The following GRK3 variants were observed in gnomAD, a reference collection of about 807,000 sequenced individuals.
GRK3 encodes adrenergic, beta, receptor kinase 2.
In GRK3, 54 loss-of-function variants were observed where a neutral mutation model predicts 95.7. The ratio of observed to expected loss-of-function variants is 0.56; its 90% CI spans 0.45 to 0.71. The LOEUF (loss-of-function observed/expected upper bound fraction) is 0.71. Ranked by LOEUF, GRK3 falls within the 30% of genes least tolerant of loss-of-function variation. GRK3 has a pLI of 0.00. For synonymous variants in GRK3, 281 were observed against 290.8 expected (o/e 0.97, Z 0.34); for missense variants, 649 against 851.2 (o/e 0.76, Z 2.96).
chr22:25,579,039 C>T (rs1932007727), intron 1 of GRK3, among the ~76,000 whole-genome samples: 1 of 152,078 alleles, frequency 6.6e-6, no homozygotes, highest in South Asian at 2.1e-4. Context: ...TACTCTGTCT[C>T]TGAATAGTGG....
At chr22:25,663,206 A>C (rs774281617) in intron 4 of GRK3, among the ~76,000 whole-genome samples, 3 of 152,034 alleles carry the variant, frequency 2.0e-5, no homozygotes, top group Non-Finnish European at 4.4e-5. Flanking sequence ...TTTTATCTTT[A>C]TGGAAATGAG....
chr22:25,617,039 C>G (rs545339510), intron 2 of GRK3, among the ~76,000 whole-genome samples: 1 of 152,274 alleles, frequency 6.6e-6, no homozygotes, highest in South Asian at 2.1e-4. Context: ...GAAATCCCAG[C>G]TGGGACAGAG....
intron 1 of GRK3, among the ~76,000 whole-genome samples, chr22:25,568,595 A>C (rs1041183332): frequency 6.6e-6 from 1 of 152,216 alleles, no homozygotes; most frequent in Non-Finnish European, 1.5e-5. Flanking sequence ...AATTCAGTAC[A>C]TAGTTGTAGA....
chr22:25,724,805 C>T lies in GRK3; in HGVS notation c.*2355C>T, dbSNP rs149692055. On this transcript the variant is annotated 3_prime_UTR_variant, in exon 21 of 21. Transcript: ENST00000324198. Reference sequence around the variant, plus strand: ...TGTCTGCACCCGGTTGCCTGCATGGCCAGAGGAAAAGTCAGTTGGATTAAA... The same window carrying T: ...TGTCTGCACCCGGTTGCCTGCATGGTCAGAGGAAAAGTCAGTTGGATTAAA... 6.6e-6 allele frequency: 1 copy of T among 152,132 alleles called. No homozygotes were observed. The highest frequency in any genetic ancestry group is 2.4e-5 in the African/African-American group (1 of 41,506). 9.4% of individuals were successfully genotyped at this position (152,132 alleles called of 1,614,324 possible). A position where few individuals can be genotyped will look rare whatever the true frequency, so the allele number is the denominator to read the frequency against.
At chr22:25,655,581 G>A (rs908131197) in intron 3 of GRK3, among the ~76,000 whole-genome samples, 3 of 152,094 alleles carry the variant, frequency 2.0e-5, no homozygotes, top group African/African-American at 7.2e-5. Flanking sequence ...CCTGCTGCTT[G>A]TGTGTGTGTG....
At chr22:25,676,648 A>G (rs1601519768) in intron 8 of GRK3, among the ~76,000 whole-genome samples, 1 of 151,206 alleles carries the variant, frequency 6.6e-6, no homozygotes, top group African/African-American at 2.4e-5. Flanking sequence ...CCAAGATTGC[A>G]CCATTGCACT....
chr22:25,598,144 G>T (rs2084384898), intron 1 of GRK3, among the ~76,000 whole-genome samples: 2 of 152,220 alleles, frequency 1.3e-5, no homozygotes, highest in South Asian at 2.1e-4. Flanking sequence ...TAAAGCATAT[G>T]ACAATAATAG....
intron 1 of GRK3, among the ~76,000 whole-genome samples, chr22:25,577,484 T>C (rs947527630): frequency 5.9e-5 from 9 of 152,248 alleles, no homozygotes; most frequent in Middle Eastern, 3.4e-3. Flanking sequence ...CCGTAAAGGA[T>C]TTTTAATGTT....
chr22:25,570,008 G>A (rs933827485), intron 1 of GRK3, among the ~76,000 whole-genome samples: 9 of 152,318 alleles, frequency 5.9e-5, no homozygotes, highest in Middle Eastern at 3.4e-3. Context: ...GTCTTGCTGG[G>A]CTGCCCCACC....
intron 7 of GRK3, 37 bp downstream of exon 7, chr22:25,672,384 A>G (rs1303350692): frequency 9.0e-7 from 1 of 1,109,618 alleles, no homozygotes; most frequent in East Asian, 2.5e-5. Context: ...TTTTTTAAAT[A>G]AAAACTTCCT....
intron 3 of GRK3, among the ~76,000 whole-genome samples, chr22:25,649,531 C>T (rs2084812776): frequency 6.6e-6 from 1 of 152,136 alleles, no homozygotes; most frequent in Non-Finnish European, 1.5e-5. Context: ...GCTTATAAAT[C>T]ATTTTCTTTC....
intron 18 of GRK3, 77 bp from the exon 19 acceptor site, chr22:25,718,168 C>CT (rs2085401751): frequency 7.4e-6 from 11 of 1,491,458 alleles, no homozygotes; most frequent in Admixed American, 4.1e-5. Context: ...CATGTCTGTT[C>CT]TTTTTTCAGA....
intron 14 of GRK3, among the ~76,000 whole-genome samples, chr22:25,703,813 A>G (rs1290992793): frequency 2.0e-5 from 3 of 152,234 alleles, no homozygotes; most frequent in Non-Finnish European, 4.4e-5. Flanking sequence ...ACTAACGAAC[A>G]GTATGAGGAA....
intron 12 of GRK3, 97 bp from the exon 13 acceptor site, chr22:25,695,010 G>T: frequency 1.4e-6 from 1 of 732,524 alleles, no homozygotes; most frequent in Non-Finnish European, 2.3e-6. Flanking sequence ...GTTTACAGTC[G>T]CTGCCATCTA....
chr22:25,625,614 G>C (rs1230023155), intron 2 of GRK3, among the ~76,000 whole-genome samples: 5 of 152,138 alleles, frequency 3.3e-5, no homozygotes, highest in Non-Finnish European at 7.4e-5. Context: ...TTTTGTGGAG[G>C]GCCTGACATC....
chr22:25,662,675 T>C (rs1422007965), intron 4 of GRK3, among the ~76,000 whole-genome samples: 5 of 152,170 alleles, frequency 3.3e-5, no homozygotes, highest in Admixed American at 6.6e-5. Flanking sequence ...CTAGGACTAA[T>C]TGTTGCTACT....
At chr22:25,649,115 G>A in intron 3 of GRK3, 2 of 1,525,136 alleles carry the variant, frequency 1.3e-6, no homozygotes, top group Non-Finnish European at 1.8e-6. Context: ...TCCATGAATT[G>A]ATGAATCTGT....
rs535157417 is a variant in GRK3, at chr22:25,674,391, A to G, written c.556-46A>G. ...CATGAAAAAATCTTTAAAACACCAT[A>G]GCTTTGTGTAATCTTATGTTTTCAT... On this transcript the variant is annotated intron_variant, in intron 7 of 20. Transcript: ENST00000324198. The G allele has an allele frequency of 2.2e-5, 32 of 1,467,118 alleles. No homozygotes were observed. The South Asian group carries it at 3.6e-4, about 17-fold the overall frequency. 90.9% of individuals were successfully genotyped at this position (1,467,118 alleles called of 1,614,324 possible). A position where few individuals can be genotyped will look rare whatever the true frequency, so the allele number is the denominator to read the frequency against.
At chr22:25,622,353 G>A (rs1244934818) in intron 2 of GRK3, among the ~76,000 whole-genome samples, 1 of 152,204 alleles carries the variant, frequency 6.6e-6, no homozygotes. Context: ...AGATCATAGC[G>A]TTTGCTGTGC....
Sources: gnomAD v4.1 joint callset for allele counts (sites outside exome capture counted in the v4.1 genomes callset) on GRCh38, gnomAD v4.1.1 for gene constraint, MANE v1.5 for transcripts, NCBI Gene and HGNC (gene_info 2026-07-23, HGNC 2026-07-21) for gene names.